Variants in RARRES1 observed in about 807,000 individuals in gnomAD.
The protein encoded by RARRES1 is retinoic acid receptor responder protein 1.
A neutral mutation model predicts 30.6 loss-of-function variants in RARRES1; 34 were observed. The observed-to-expected ratio is 1.11, with a 90% CI of 0.84 to 1.48. The LOEUF (loss-of-function observed/expected upper bound fraction) is 1.48. Among genes scored for constraint, RARRES1 ranks in the 40% most tolerant of loss-of-function variants. The pLI is 0.00. For missense variants in RARRES1, 373 were observed against 386.5 expected, an observed-to-expected ratio of 0.97 and a Z score of 0.29; for synonymous variants, 153 against 155.5, an observed-to-expected ratio of 0.98 and a Z score of 0.12.
chr3:158,728,816 G>A (rs1427034646), intron 1 of RARRES1, among the ~76,000 whole-genome samples: 2 of 152,052 alleles, frequency 1.3e-5, no homozygotes, highest in East Asian at 1.9e-4. Context: ...GAGCCACTGC[G>A]CCTGGCCCAT....
At chr3:158,730,319 C>CAAAAA (rs58772915) in intron 1 of RARRES1, among the ~76,000 whole-genome samples, 1 of 79,414 alleles carries the variant, frequency 1.3e-5, no homozygotes, top group Non-Finnish European at 2.4e-5. Flanking sequence ...GACTCTGTCT[C>CAAAAA]AAAAAAAAAA....
intron 1 of RARRES1, among the ~76,000 whole-genome samples, chr3:158,725,801 CCAGACT>C (rs1179796310): frequency 6.6e-6 from 1 of 152,144 alleles, no homozygotes; most frequent in Non-Finnish European, 1.5e-5. Context: ...CATGCTAGAC[CCAGACT>C]CTGCGATCAG....
In RARRES1 at chr3:158,732,365, G is replaced by T. The variant is rs1727940195; in HGVS notation, c.51C>A (p.Gly17=). The part of the protein sequence containing the change: ...RLPAPWSGPR[G]PRPTAPLLAL... ...CGAGCAGCGGGGCGGTGGGGCGCGG[G>T]CCCCTGGGCCCGGACCAGGGAGCAG... The change falls in exon 1 of 6, where the codon GGC becomes GGA. Residue 17 remains glycine (G), a synonymous_variant. Transcript: ENST00000237696. The T allele has an allele frequency of 6.8e-7, 1 of 1,469,722 alleles. No homozygotes were observed. The highest frequency in any genetic ancestry group is 3.0e-5 in the East Asian group (1 of 33,848). The allele number at this position is 1,469,722 out of a possible 1,614,324, so 91.0% of individuals were successfully genotyped here. A position where few individuals can be genotyped will look rare whatever the true frequency, so the allele number is the denominator to read the frequency against.
At chr3:158,717,411 T>G (rs1201280345) in intron 1 of RARRES1, among the ~76,000 whole-genome samples, 2 of 152,170 alleles carry the variant, frequency 1.3e-5, no homozygotes, top group Non-Finnish European at 2.9e-5. Flanking sequence ...TGGTCTAGTC[T>G]AGGGATCAGG....
At chr3:158,725,303 G>A (rs1403951450) in intron 1 of RARRES1, among the ~76,000 whole-genome samples, 1 of 152,190 alleles carries the variant, frequency 6.6e-6, no homozygotes, top group African/African-American at 2.4e-5. Context: ...TCACATAAGT[G>A]TCATACATCT....
intron 1 of RARRES1, among the ~76,000 whole-genome samples, chr3:158,729,610 C>T (rs538071530): frequency 6.6e-6 from 1 of 152,048 alleles, no homozygotes; most frequent in East Asian, 2.0e-4. Context: ...CCACCATGCC[C>T]GGCTAATTTC....
intron 1 of RARRES1, among the ~76,000 whole-genome samples, chr3:158,725,446 C>T (rs1337220282): frequency 6.6e-6 from 1 of 152,124 alleles, no homozygotes; most frequent in East Asian, 1.9e-4. Flanking sequence ...ATGCAGTCTC[C>T]AGCAGAACAA....
chr3:158,717,643 G>A (rs1727365397), intron 1 of RARRES1, among the ~76,000 whole-genome samples: 1 of 152,224 alleles, frequency 6.6e-6, no homozygotes, highest in South Asian at 2.1e-4. Context: ...GGACCAGAAG[G>A]AGGGATTTTG....
intron 4 of RARRES1, among the ~76,000 whole-genome samples, chr3:158,703,511 A>G (rs1726804367): frequency 6.6e-6 from 1 of 152,074 alleles, no homozygotes; most frequent in African/African-American, 2.4e-5. Context: ...TATTATAGCT[A>G]AATTTCTTGA....
At chr3:158,714,200 C>T (rs1381110515) in intron 1 of RARRES1, among the ~76,000 whole-genome samples, 1 of 152,176 alleles carries the variant, frequency 6.6e-6, no homozygotes, top group East Asian at 1.9e-4. Flanking sequence ...GTGCCTGCTC[C>T]ACGCCCTGTC....
intron 1 of RARRES1, among the ~76,000 whole-genome samples, chr3:158,716,534 TAA>T (rs1171901375): frequency 1.3e-5 from 2 of 152,162 alleles, no homozygotes; most frequent in African/African-American, 4.8e-5. Context: ...TCTGTCCTTT[TAA>T]AGAGTTATTT....
intron 3 of RARRES1, among the ~76,000 whole-genome samples, chr3:158,706,092 A>T (rs191243338): frequency 3.0e-3 from 460 of 152,354 alleles, no homozygotes; most frequent in African/African-American, 0.011. Flanking sequence ...TGGGTAAAGT[A>T]ATCCTTAGCA....
chr3:158,716,996 C>T (rs1392837804), intron 1 of RARRES1, among the ~76,000 whole-genome samples: 1 of 152,224 alleles, frequency 6.6e-6, no homozygotes, highest in Non-Finnish European at 1.5e-5. Flanking sequence ...AAAGGCCTCT[C>T]CCTTCTCCCT....
intron 4 of RARRES1, 136 bp from the exon 5 acceptor site, chr3:158,698,106 G>T (rs1399625101): frequency 1.6e-6 from 1 of 616,470 alleles, no homozygotes; most frequent in Non-Finnish European, 2.8e-6. Context: ...GTTTTTGGTG[G>T]TATTTTGCTT....
At chr3:158,698,244 C>A in intron 4 of RARRES1, 1 of 404,622 alleles carries the variant, frequency 2.5e-6, no homozygotes, top group Non-Finnish European at 4.5e-6. Context: ...CTTTTAACAA[C>A]CTTAAGGATC....
intron 2 of RARRES1, among the ~76,000 whole-genome samples, chr3:158,713,176 C>G (rs776167804): frequency 5.3e-5 from 8 of 152,104 alleles, no homozygotes; most frequent in Non-Finnish European, 8.8e-5. Context: ...TCCTCTCCGC[C>G]CATGCTCTGA....
chr3:158,700,202 A>AGTGTGTGTGTGTGT (rs138755640), intron 4 of RARRES1, among the ~76,000 whole-genome samples: 52 of 147,784 alleles, frequency 3.5e-4, no homozygotes, highest in Admixed American at 1.2e-3. Flanking sequence ...AATAATAATA[A>AGTGTGTGTGTGTGT]GTGTGTGTGT....
Position 158,722,086 on chromosome 3 carries a change from C to CAAAAAAAA in RARRES1, c.277-8235_277-8228dup, listed in dbSNP as rs571829700. 6.4e-3 allele frequency among the ~76,000 whole-genome samples: 441 copies of CAAAAAAAA among 68,406 alleles called. 8 individuals carry two copies. The highest frequency in any genetic ancestry group is 9.4e-3 in the Middle Eastern group (1 of 106). The allele number at this position is 68,406 out of a possible 152,430, so 44.9% of individuals were successfully genotyped here. A position where few individuals can be genotyped will look rare whatever the true frequency, so the allele number is the denominator to read the frequency against. Reference sequence around the variant, plus strand: ...CAGCCTGGGCAACAAGAATGAAACTCAAAAAAAAAAAAAAAAAAAAGAGTA... The same window carrying CAAAAAAAA: ...CAGCCTGGGCAACAAGAATGAAACTCAAAAAAAAAAAAAAAAAAAAAAAAAAAAGAGTA... On this transcript the variant is annotated intron_variant, in intron 1 of 5. Coordinates refer to ENST00000237696, the MANE Select transcript of RARRES1 (RefSeq NM_206963.2).
At chr3:158,708,655 T>G (rs1038462397) in intron 3 of RARRES1, among the ~76,000 whole-genome samples, 6 of 152,096 alleles carry the variant, frequency 3.9e-5, no homozygotes, top group East Asian at 1.9e-4. Flanking sequence ...AAATACTGAA[T>G]AGGAATCTGC....
Sources: gnomAD v4.1 joint callset for allele counts (sites outside exome capture counted in the v4.1 genomes callset) on GRCh38, gnomAD v4.1.1 for gene constraint, MANE v1.5 for transcripts, NCBI Gene and HGNC (gene_info 2026-07-23, HGNC 2026-07-21) for gene names.